Variants in TBCEL observed in about 807,000 individuals in gnomAD.
TBCEL encodes the protein tubulin folding cofactor E like, also known as tubulin-specific chaperone cofactor E-like protein.
Under a neutral mutation model 44.2 loss-of-function variants are expected in TBCEL, and 15 were observed. The ratio of observed to expected loss-of-function variants is 0.34; its 90% CI spans 0.23 to 0.52. The LOEUF is 0.52. Among genes scored for constraint, TBCEL ranks in the 20% least tolerant of loss-of-function variants. The pLI, the probability that TBCEL is intolerant of heterozygous loss-of-function variation, is 0.95. For synonymous variants in TBCEL, 171 were observed against 185.4 expected (o/e 0.92, Z 0.63); for missense variants, 319 against 506.3 (o/e 0.63, Z 3.55).
At chr11:121,078,109 G>C (rs1326003360) in intron 8 of TBCEL, among the ~76,000 whole-genome samples, 1 of 152,030 alleles carries the variant, frequency 6.6e-6, no homozygotes, top group East Asian at 1.9e-4. Flanking sequence ...GATATTGTTG[G>C]TGGGCATGTT....
At chr11:121,076,316 A>G (rs527445903) in intron 8 of TBCEL, among the ~76,000 whole-genome samples, 25 of 151,946 alleles carry the variant, frequency 1.6e-4, no homozygotes, top group South Asian at 4.1e-4. Context: ...CCATGAACCC[A>G]GTATCTCTTT....
intron 6 of TBCEL, among the ~76,000 whole-genome samples, chr11:121,056,709 T>C (rs1945627410): frequency 6.6e-6 from 1 of 151,888 alleles, no homozygotes. Context: ...TGTTTTAATC[T>C]GCAATTCTCT....
At chr11:121,037,857 C>T (rs1184835667) in intron 2 of TBCEL, among the ~76,000 whole-genome samples, 7 of 151,952 alleles carry the variant, frequency 4.6e-5, no homozygotes, top group Non-Finnish European at 7.4e-5. Context: ...TACTTATTTA[C>T]ATTATTAGCT....
At chr11:121,077,013 G>A (rs1047755115) in intron 8 of TBCEL, among the ~76,000 whole-genome samples, 1 of 151,970 alleles carries the variant, frequency 6.6e-6, no homozygotes, top group African/African-American at 2.4e-5. Flanking sequence ...TGGTTATGAT[G>A]TAGTATCTTT....
intron 1 of TBCEL, among the ~76,000 whole-genome samples, chr11:121,029,664 T>C (rs1455341713): frequency 6.6e-6 from 1 of 152,204 alleles, no homozygotes; most frequent in Non-Finnish European, 1.5e-5. Flanking sequence ...GTGTGAAACT[T>C]TGATTAATCA....
chr11:121,027,383 G>A (rs1382976019), intron 1 of TBCEL, among the ~76,000 whole-genome samples: 1 of 152,094 alleles, frequency 6.6e-6, no homozygotes, highest in South Asian at 2.1e-4. Context: ...TGCTTGCATA[G>A]CTTCATGAGA....
At chr11:121,028,169 C>T (rs1945079638) in intron 1 of TBCEL, among the ~76,000 whole-genome samples, 1 of 151,982 alleles carries the variant, frequency 6.6e-6, no homozygotes, top group African/African-American at 2.4e-5. Context: ...CACCATTGCA[C>T]TCCAGCCTGG....
intron 8 of TBCEL, among the ~76,000 whole-genome samples, chr11:121,076,381 A>T (rs975638817): frequency 6.6e-6 from 1 of 151,874 alleles, no homozygotes; most frequent in Non-Finnish European, 1.5e-5. Context: ...CCACATAAGG[A>T]TTCTGCACAT....
intron 2 of TBCEL, among the ~76,000 whole-genome samples, chr11:121,044,121 C>T (rs1945384982): frequency 1.3e-5 from 2 of 152,056 alleles, no homozygotes; most frequent in African/African-American, 2.4e-5. Flanking sequence ...TTAACATGAT[C>T]GTGAATCTGC....
chr11:121,079,692 G>A (rs993626281), intron 8 of TBCEL, among the ~76,000 whole-genome samples: 7 of 152,178 alleles, frequency 4.6e-5, no homozygotes, highest in African/African-American at 1.7e-4. Context: ...GATGTCCCAG[G>A]ATATGATGCC....
chr11:121,053,452 C>G (rs1945564933), intron 4 of TBCEL, 99 bp from the exon 5 acceptor site: 2 of 1,118,030 alleles, frequency 1.8e-6, no homozygotes, highest in Non-Finnish European at 1.3e-6. Flanking sequence ...GTAAATGGCC[C>G]TTTGCCTGGA....
intron 1 of TBCEL, among the ~76,000 whole-genome samples, chr11:121,032,877 A>T (rs529352540): frequency 6.6e-6 from 1 of 152,352 alleles, no homozygotes; most frequent in East Asian, 1.9e-4. Context: ...GACCACAAAA[A>T]TGCTGCAAGT....
intron 1 of TBCEL, among the ~76,000 whole-genome samples, chr11:121,034,307 G>A (rs1002682154): frequency 2.6e-5 from 4 of 152,108 alleles, no homozygotes; most frequent in African/African-American, 9.7e-5. Flanking sequence ...GTGTTGTAAG[G>A]TACAGTAGGA....
chr11:121,058,479 G>A lies in TBCEL; in HGVS notation c.839+8G>A. ...GAAATTGGTAATAGCCAGGTCTGTT[G>A]TCCTGATCGTTTTGCTTTATTTTTG... On this transcript the variant is annotated splice_region_variant and intron_variant, in intron 7 of 8. Transcript: ENST00000683345. The A allele has an allele frequency of 3.7e-6, 6 of 1,610,796 alleles. No homozygotes were observed. Among genetic ancestry groups the A allele is most frequent in the Non-Finnish European group, 5.1e-6 (6 of 1,177,658 alleles).
intron 8 of TBCEL, among the ~76,000 whole-genome samples, chr11:121,080,909 G>C (rs1946113223): frequency 6.6e-6 from 1 of 152,178 alleles, no homozygotes; most frequent in Non-Finnish European, 1.5e-5. Context: ...GTGTGCCATG[G>C]ACCAGGACCT....
At position 121,090,660 on chromosome 11, in the gene TBCEL, C is replaced by CATAT. The variant is rs963273600; in HGVS notation, c.*3575_*3578dup. The CATAT allele has an allele frequency of 6.7e-5, 10 of 148,500 alleles. No homozygotes were observed. The highest frequency in any genetic ancestry group is 2.5e-4 in the African/African-American group (10 of 40,690). The allele number at this position is 148,500 out of a possible 1,614,324, so 9.2% of individuals were successfully genotyped here. The stretch of plus-strand genomic sequence containing the variant: ...CCCGCAGTTAATGGAAATATATATA[C>CATAT]ATATATATATATATTTTATTTAGAA... On this transcript the variant is annotated 3_prime_UTR_variant, in exon 9 of 9. Coordinates refer to ENST00000683345, the MANE Select transcript of TBCEL (RefSeq NM_001363644.2).
intron 8 of TBCEL, among the ~76,000 whole-genome samples, chr11:121,082,899 A>T (rs1418414975): frequency 6.6e-6 from 1 of 152,194 alleles, no homozygotes; most frequent in African/African-American, 2.4e-5. Flanking sequence ...TGATCTGGAG[A>T]TCAGCAAGCT....
At chr11:121,057,295 G>C (rs1318966433) in intron 6 of TBCEL, among the ~76,000 whole-genome samples, 1 of 151,792 alleles carries the variant, frequency 6.6e-6, no homozygotes, top group Non-Finnish European at 1.5e-5. Flanking sequence ...TAGACTTGAT[G>C]ATGCATTGTA....
At chr11:121,041,587 G>A (rs959328994) in intron 2 of TBCEL, among the ~76,000 whole-genome samples, 2 of 152,060 alleles carry the variant, frequency 1.3e-5, no homozygotes, top group African/African-American at 2.4e-5. Context: ...GATGTAATTT[G>A]ACACACGTTA....
Sources: gnomAD v4.1 joint callset for allele counts (sites outside exome capture counted in the v4.1 genomes callset) on GRCh38, gnomAD v4.1.1 for gene constraint, MANE v1.5 for transcripts, NCBI Gene and HGNC (gene_info 2026-07-23, HGNC 2026-07-21) for gene names.